The following EGF variants were observed in gnomAD, a reference collection of about 807,000 sequenced individuals.
EGF encodes the protein epidermal growth factor.
A neutral mutation model predicts 143.8 loss-of-function variants in EGF; 95 were observed. That is an observed-to-expected ratio of 0.66 (90% CI 0.56 to 0.78). EGF has a LOEUF of 0.78. Ranked by LOEUF, EGF falls within the 30% of genes least tolerant of loss-of-function variation. The probability of loss-of-function intolerance (pLI) is 0.00; values close to 1 mark genes in which losing one functional copy is unlikely to be tolerated. For missense variants in EGF, 1,320 were observed against 1,470.9 expected, an observed-to-expected ratio of 0.90 and a Z score of 1.68; for synonymous variants, 510 against 510.5, an observed-to-expected ratio of 1.00 and a Z score of 0.01.
At chr4:109,925,669 G>T (rs1738516378) in intron 1 of EGF, among the ~76,000 whole-genome samples, 1 of 152,116 alleles carries the variant, frequency 6.6e-6, no homozygotes, top group South Asian at 2.1e-4. Flanking sequence ...AATGCTCAGA[G>T]AACTGTAATT....
In EGF at chr4:109,939,640, T is replaced by C. The variant is rs11568873; in HGVS notation, c.128-1306T>C. Among the ~76,000 whole-genome samples, 382 of 152,308 alleles carry C rather than the reference T, an allele frequency of 2.5e-3. 1 individual carries two copies. Among genetic ancestry groups the C allele is most frequent in the Admixed American group, 7.3e-3 (111 of 15,294 alleles). Reference sequence around the variant, plus strand: ...TCTGTGTCAATCTTGCTGGGAGCTGTAGACCTGAGTTGTTCCTATTCGGCC... The same window carrying C: ...TCTGTGTCAATCTTGCTGGGAGCTGCAGACCTGAGTTGTTCCTATTCGGCC... On this transcript the variant is annotated intron_variant, in intron 1 of 23. Coordinates refer to ENST00000265171, the MANE Select transcript of EGF (RefSeq NM_001963.6).
At chr4:109,928,479 A>G (rs1176979541) in intron 1 of EGF, among the ~76,000 whole-genome samples, 1 of 152,180 alleles carries the variant, frequency 6.6e-6, no homozygotes, top group East Asian at 1.9e-4. Flanking sequence ...TATGCAGATG[A>G]AACCTCCAGA....
At position 109,961,845 on chromosome 4, in the gene EGF, T is replaced by C. The variant is rs771762009; in HGVS notation, c.1190-18T>C. The C allele has an allele frequency of 1.5e-5, 24 of 1,613,124 alleles. No individual in the cohort carries two copies. The highest frequency in any genetic ancestry group is 2.0e-5 in the Non-Finnish European group (23 of 1,179,412). On this transcript the variant is annotated intron_variant, in intron 7 of 23. Coordinates refer to ENST00000265171, the MANE Select transcript of EGF (RefSeq NM_001963.6). ...ACCCGATTTAACACTAATCTTGACC[T>C]TGTTCTTTATTAATTAGAACTTGTT... is the stretch of plus-strand genomic sequence containing the variant.
rs779402563 is a variant in EGF, at chr4:109,959,354, C to T, written c.983C>T (p.Thr328Ile). 6.2e-7 allele frequency: 1 copy of T among 1,613,542 alleles called. No individual in the cohort carries two copies. Among genetic ancestry groups the T allele is most frequent in the African/African-American group, 1.3e-5 (1 of 74,554 alleles). ...TTGAGGAAAGGAAACTGCAGCAGCA[C>T]TGTGTGTGGGCAAGACCTCCAGTCA... ...CKLRKGNCSS[T>I]VCGQDLQSHL... Residue 328 changes from threonine to isoleucine, a missense_variant, in exon 6 of 24, where the codon ACT (threonine) becomes ATT (isoleucine). By Grantham distance (89) the Thr-to-Ile change is moderately conservative. Transcript: ENST00000265171.
In EGF at chr4:109,994,851, T is replaced by C; in HGVS notation, c.2976T>C (p.Tyr992=). The stretch of plus-strand genomic sequence containing the variant: ...GCCTCCATGATGGTGTGTGCATGTA[T>C]ATTGAAGCATTGGACAAGTATGCAT... ...GYCLHDGVCM[Y]IEALDKYACN... is the part of the protein sequence containing the mutation. Residue 992 remains tyrosine, a synonymous_variant, in exon 20 of 24, where the codon TAT becomes TAC. Coordinates refer to ENST00000265171, the MANE Select transcript of EGF (RefSeq NM_001963.6). 2 of 1,614,160 alleles carry C rather than the reference T, an allele frequency of 1.2e-6. No individual in the cohort carries two copies. The highest frequency in any genetic ancestry group is 1.7e-6 in the Non-Finnish European group (2 of 1,180,004).
In EGF at chr4:109,976,013, A is replaced by G. The variant is rs776578198; in HGVS notation, c.1831A>G (p.Arg611Gly). 33 of 1,613,332 alleles carry G rather than the reference A, an allele frequency of 2.0e-5. No individual in the cohort carries two copies. The highest frequency in any genetic ancestry group is 2.6e-5 in the Non-Finnish European group (31 of 1,179,388). Residue 611 changes from arginine to glycine, a missense_variant and splice_region_variant, in exon 13 of 24, where the codon AGA becomes GGA. Coordinates refer to ENST00000265171, the MANE Select transcript of EGF (RefSeq NM_001963.6). ...RGIAVHPMAK[R>G]LFWTDTGINP... ...TGTTGTGTGCTTTCTTGATTAAAGGAGATTATTCTGGACTGATACAGGGAT... is the reference window on the plus strand; with the variant it reads ...TGTTGTGTGCTTTCTTGATTAAAGGGGATTATTCTGGACTGATACAGGGAT...
Position 109,988,781 on chromosome 4 carries a change from G to A in EGF, c.2734+72G>A, listed in dbSNP as rs11569051. 55 of 1,604,644 alleles carry A rather than the reference G, an allele frequency of 3.4e-5. No homozygotes were observed. In the African/African-American group the frequency reaches 6.8e-4, roughly 20 times the overall value. On this transcript the variant is annotated intron_variant, in intron 18 of 23. Transcript: ENST00000265171. ...AAATCGGGAAACAATGTGGGTGCAT[G>A]AGCAGAGGGAAGACAGGATATAATT...
intron 3 of EGF, 96 bp downstream of exon 3, chr4:109,943,531 T>A (rs1742286494): frequency 7.2e-7 from 1 of 1,392,534 alleles, no homozygotes; most frequent in African/African-American, 1.4e-5. Flanking sequence ...ATCCTCTCAC[T>A]GAGACCAAAG....
intron 13 of EGF, among the ~76,000 whole-genome samples, chr4:109,979,676 C>G (rs1425047899): frequency 3.9e-5 from 6 of 152,146 alleles, no homozygotes. Context: ...CCACCTTTCT[C>G]CTTCATGGGG....
intron 20 of EGF, among the ~76,000 whole-genome samples, chr4:109,998,967 G>A (rs1463677583): frequency 6.6e-6 from 1 of 152,196 alleles, no homozygotes; most frequent in Non-Finnish European, 1.5e-5. Flanking sequence ...CCAGTAGATG[G>A]CAGCATTGCT....
intron 6 of EGF, 87 bp from the exon 7 acceptor site, chr4:109,960,780 C>A: frequency 6.7e-7 from 1 of 1,487,064 alleles, no homozygotes; most frequent in Non-Finnish European, 9.3e-7. Context: ...GTGTGAGATA[C>A]CCTGCGTTGT....
At chr4:109,983,308 T>C in intron 15 of EGF, 114 bp from the exon 16 acceptor site, 1 of 1,247,942 alleles carries the variant, frequency 8.0e-7, no homozygotes, top group Non-Finnish European at 1.1e-6. Context: ...ATCCTCTTAC[T>C]GTAAGAATGA....
Position 109,944,063 on chromosome 4 carries a change from C to A in EGF, c.731C>A (p.Pro244Gln), listed in dbSNP as rs1232857341. The change falls in exon 4 of 24, where the codon CCA becomes CAA. Residue 244 changes from proline (P) to glutamine (Q), a missense_variant. Transcript: ENST00000265171. ...GGTTCTGTCCACATTAGTAAACATC[C>A]AACACAGTAAGTTTTACTCTTGGTA... ...DGGSVHISKH[P>Q]TQHNLFAMSL... The A allele has an allele frequency of 6.2e-7, 1 of 1,613,420 alleles. No individual in the cohort carries two copies. Among genetic ancestry groups the A allele is most frequent in the Non-Finnish European group, 8.5e-7 (1 of 1,179,570 alleles).
chr4:109,980,959 T>C lies in EGF; in HGVS notation c.2355T>C (p.Gly785=). ...SDGKTCLALD[G]HQLLAGGEVD... ...GGAAAACGTGTCTGGCTCTGGATGG[T>C]CATCAGCTGTTGGCAGGTAATATAA... The change falls in exon 15 of 24, where the codon GGT becomes GGC. Residue 785 remains glycine, a synonymous_variant. Coordinates refer to ENST00000265171, the MANE Select transcript of EGF (RefSeq NM_001963.6). 1 of 1,614,116 alleles carries C rather than the reference T, an allele frequency of 6.2e-7. No individual in the cohort carries two copies. The highest frequency in any genetic ancestry group is 8.5e-7 in the Non-Finnish European group (1 of 1,179,972).
intron 10 of EGF, among the ~76,000 whole-genome samples, chr4:109,968,609 C>T (rs887576446): frequency 3.3e-5 from 5 of 152,032 alleles, no homozygotes; most frequent in African/African-American, 1.2e-4. Flanking sequence ...ATAGCAATAA[C>T]AATAGCAATA....
At chr4:109,942,540 T>G (rs1742097891) in intron 2 of EGF, among the ~76,000 whole-genome samples, 1 of 152,322 alleles carries the variant, frequency 6.6e-6, no homozygotes, top group East Asian at 1.9e-4. Flanking sequence ...ATTTACACCA[T>G]GAAAATCTTT....
At chr4:109,916,352 G>A (rs2125920979) in intron 1 of EGF, among the ~76,000 whole-genome samples, 1 of 152,186 alleles carries the variant, frequency 6.6e-6, no homozygotes, top group East Asian at 1.9e-4. Flanking sequence ...AGTGGTGTTT[G>A]GTCATTGAGC....
chr4:109,941,875 C>A (rs1270091517), intron 2 of EGF, among the ~76,000 whole-genome samples: 2 of 152,174 alleles, frequency 1.3e-5, no homozygotes, highest in Non-Finnish European at 2.9e-5. Flanking sequence ...GCTGGTAGAA[C>A]CCTTACATGA....
At chr4:109,953,737 G>A (rs561835263) in intron 5 of EGF, among the ~76,000 whole-genome samples, 5 of 152,292 alleles carry the variant, frequency 3.3e-5, no homozygotes, top group Non-Finnish European at 5.9e-5. Context: ...TCTTGCAGCC[G>A]TTGACACTGG....
Sources: allele counts gnomAD v4.1 joint callset (sites outside exome capture counted in the v4.1 genomes callset), GRCh38; gene constraint gnomAD v4.1.1; transcripts MANE v1.5; gene names NCBI Gene and HGNC (gene_info 2026-07-23, HGNC 2026-07-21).